SLC25A11: variants seen among roughly 807,000 people sequenced by gnomAD.
SLC25A11 encodes mitochondrial 2-oxoglutarate/malate carrier protein.
A neutral mutation model predicts 32.7 loss-of-function variants in SLC25A11; 11 were observed. The ratio of observed to expected loss-of-function variants is 0.34; its 90% CI spans 0.21 to 0.56. The LOEUF (loss-of-function observed/expected upper bound fraction) is 0.56. SLC25A11 is among the 20% of genes least tolerant of loss of function. The pLI, the probability that SLC25A11 is intolerant of heterozygous loss-of-function variation, is 0.90. For synonymous variants in SLC25A11, 163 were observed against 168.3 expected, an observed-to-expected ratio of 0.97 and a Z score of 0.24; for missense variants, 295 against 426.3, an observed-to-expected ratio of 0.69 and a Z score of 2.71.
chr17:4,938,465 C>T lies in SLC25A11; in HGVS notation c.547-36G>A. 1 of 1,613,942 alleles carries T rather than the reference C, an allele frequency of 6.2e-7. No homozygotes were observed. Among genetic ancestry groups the T allele is most frequent in the South Asian group, 1.1e-5 (1 of 91,086 alleles). On this transcript the variant is annotated intron_variant, in intron 4 of 7. Transcript: ENST00000225665. The surrounding 1 kb of genome is among the most constrained non-coding windows in gnomAD (Gnocchi z 7.6). ...GGGAGCGGGGAAGAGTCAGAAACCC[C>T]TAAAACCAGACCTCACAGCCCCCAA...
In SLC25A11 at chr17:4,939,354, A is replaced by ACATGCTTG; in HGVS notation, c.96-143_96-142insCAAGCATG. The ACATGCTTG allele has an allele frequency of 1.1e-6, 1 of 917,396 alleles. No individual in the cohort carries two copies. The highest frequency in any genetic ancestry group is 1.6e-6 in the Non-Finnish European group (1 of 624,414). The allele number at this position is 917,396 out of a possible 1,614,324, so 56.8% of individuals were successfully genotyped here. A position where few individuals can be genotyped will look rare whatever the true frequency, so the allele number is the denominator to read the frequency against. On this transcript the variant is annotated intron_variant, in intron 1 of 7. Coordinates refer to ENST00000225665, the MANE Select transcript of SLC25A11 (RefSeq NM_003562.5). This position sits in a 1 kb window ranked among gnomAD's most constrained non-coding sequence, Gnocchi z 4.1. ...GGATGCTGGTGAGCATGTGTATAAG[A>ACATGCTTG]GTCTATATGTACACCAAGTGCAACG... is the stretch of plus-strand genomic sequence containing the variant.
rs1048941374 is a variant in SLC25A11 at position 4,939,502 on chromosome 17, A to C, written c.96-290T>G. On this transcript the variant is annotated intron_variant, in intron 1 of 7. Transcript: ENST00000225665. This position sits in a 1 kb window ranked among gnomAD's most constrained non-coding sequence, Gnocchi z 4.1. ...CGACACAGGGAGGGGAGGAAGGGGC[A>C]TCCAAGATTTAGGACTCCAGGTAGT... 3.5e-6 allele frequency: 2 copies of C among 575,096 alleles called. No individual in the cohort carries two copies. Among genetic ancestry groups the C allele is most frequent in the Non-Finnish European group, 3.1e-6 (1 of 324,814 alleles). The allele number at this position is 575,096 out of a possible 1,614,324, so 35.6% of individuals were successfully genotyped here. A position where few individuals can be genotyped will look rare whatever the true frequency, so the allele number is the denominator to read the frequency against.
At chr17:4,937,961 C>T in intron 7 of SLC25A11, 62 bp downstream of exon 7, 1 of 1,613,302 alleles carries the variant, frequency 6.2e-7, no homozygotes, top group Non-Finnish European at 8.5e-7. Flanking sequence ...CACCCAGCTG[C>T]CTTCACACCT....
At position 4,937,732 on chromosome 17, in the gene SLC25A11, C is replaced by G. The variant is rs1388315898; in HGVS notation, c.*9G>C. 2.9e-5 allele frequency: 47 copies of G among 1,599,258 alleles called. No individual in the cohort carries two copies. Among genetic ancestry groups the G allele is most frequent in the Non-Finnish European group, 3.9e-5 (46 of 1,172,522 alleles). On this transcript the variant is annotated 3_prime_UTR_variant, in exon 8 of 8. Transcript: ENST00000225665. ...AGGCGCAGCAGGCGAGTGGGAGCCCCCGGCCGCTTCAGCCACTGAGGAAGA... is the reference window on the plus strand; with the variant it reads ...AGGCGCAGCAGGCGAGTGGGAGCCCGCGGCCGCTTCAGCCACTGAGGAAGA...
Position 4,937,876 on chromosome 17 carries a change from G to A in SLC25A11, c.810C>T (p.Val270=), listed in dbSNP as rs775309694. 2 of 1,613,742 alleles carry A rather than the reference G, an allele frequency of 1.2e-6. No homozygotes were observed. The highest frequency in any genetic ancestry group is 1.7e-6 in the Non-Finnish European group (2 of 1,179,786). The change falls in exon 8 of 8, where the codon GTC becomes GTT. Residue 270 remains valine (V), a synonymous_variant. Transcript: ENST00000225665. The stretch of plus-strand genomic sequence containing the variant: ...ACAGGCTGAAGAAGCCCTCGTAGCG[G>A]ACAACTTTGAACAGCACGTCCTAGA... The part of the protein sequence containing the change: ...KNGLDVLFKV[V]RYEGFFSLWK...
rs752770235 is a variant in SLC25A11, at chr17:4,938,058, T to A, written c.754A>T (p.Met252Leu). The A allele has an allele frequency of 1.9e-6, 3 of 1,613,872 alleles. No individual in the cohort carries two copies. Among genetic ancestry groups the A allele is most frequent in the African/African-American group, 2.7e-5 (2 of 74,852 alleles). The change falls in exon 7 of 8, where the codon ATG becomes TTG. Residue 252 changes from methionine (M) to leucine (L), a missense_variant. Met to Leu is a conservative substitution (Grantham distance 15). Around this residue, in one of 3 missense-constraint regions of SLC25A11, gnomAD observed 142 missense variants for 197.8 expected, o/e 0.72. Coordinates refer to ENST00000225665, the MANE Select transcript of SLC25A11 (RefSeq NM_003562.5). This position sits in a 1 kb window ranked among gnomAD's most constrained non-coding sequence, Gnocchi z 7.6. The stretch of plus-strand genomic sequence containing the variant: ...TTGTATTCCGGCTTCCCATCAATCA[T>A]CCGCATGTTCTGGATTCTGCAGGAG... ...IAKTRIQNMR[M>L]IDGKPEYKNG...
In SLC25A11 at chr17:4,938,272, G is replaced by C; in HGVS notation, c.638-19C>G. ...AAGTAGCCTGGGGGAGGTGAGGCGGGGGTGGCAGTCAGCTCAGAGGTGGCT... is the reference window on the plus strand; with the variant it reads ...AAGTAGCCTGGGGGAGGTGAGGCGGCGGTGGCAGTCAGCTCAGAGGTGGCT... On this transcript the variant is annotated intron_variant, in intron 5 of 7. Coordinates refer to ENST00000225665, the MANE Select transcript of SLC25A11 (RefSeq NM_003562.5). The surrounding 1 kb of genome is among the most constrained non-coding windows in gnomAD (Gnocchi z 7.6). 6.2e-7 allele frequency: 1 copy of C among 1,612,660 alleles called. No homozygotes were observed. The highest frequency in any genetic ancestry group is 8.5e-7 in the Non-Finnish European group (1 of 1,179,096).
rs554082939 is a variant in SLC25A11, at chr17:4,937,563, G to A, written c.*178C>T. On this transcript the variant is annotated 3_prime_UTR_variant, in exon 8 of 8. Coordinates refer to ENST00000225665, the MANE Select transcript of SLC25A11 (RefSeq NM_003562.5). ...AATAGCCAAGGACAGAGAAATCACA[G>A]GATCAGGACGAGCAGGGCAAGCTGG... is the stretch of plus-strand genomic sequence containing the variant. 166 of 619,602 alleles carry A rather than the reference G, an allele frequency of 2.7e-4. No individual in the cohort carries two copies. Among genetic ancestry groups the A allele is most frequent in the Middle Eastern group, 9.1e-4 (2 of 2,208 alleles). The allele number at this position is 619,602 out of a possible 1,614,324, so 38.4% of individuals were successfully genotyped here.
chr17:4,937,598 TAG>T lies in SLC25A11; in HGVS notation c.*141_*142del, dbSNP rs1970453220. 1 of 940,886 alleles carries T rather than the reference TAG, an allele frequency of 1.1e-6. No individual in the cohort carries two copies. The highest frequency in any genetic ancestry group is 1.7e-5 in the African/African-American group (1 of 60,600). 58.3% of individuals were successfully genotyped at this position (940,886 alleles called of 1,614,324 possible). A position where few individuals can be genotyped will look rare whatever the true frequency, so the allele number is the denominator to read the frequency against. ...GAGCAGGGCAAGCTGGAGCAGGGGG[TAG>T]AACAGACCAAGTCCTTTACCGCAGA... On this transcript the variant is annotated 3_prime_UTR_variant, in exon 8 of 8. Coordinates refer to ENST00000225665, the MANE Select transcript of SLC25A11 (RefSeq NM_003562.5).
chr17:4,939,606 C>T lies in SLC25A11; in HGVS notation c.95+210G>A. On this transcript the variant is annotated intron_variant, in intron 1 of 7. Transcript: ENST00000225665. The surrounding 1 kb of genome is among the most constrained non-coding windows in gnomAD (Gnocchi z 4.1). ...CAATGCGCTGGGAAACTCAGCTGGC[C>T]CGGCGGGGGTTGTGCAACGACCCTG... The T allele has an allele frequency of 1.7e-6, 1 of 597,728 alleles. No individual in the cohort carries two copies. The highest frequency in any genetic ancestry group is 3.0e-6 in the Non-Finnish European group (1 of 338,626). The allele number at this position is 597,728 out of a possible 1,614,324, so 37.0% of individuals were successfully genotyped here. A position where few individuals can be genotyped will look rare whatever the true frequency, so the allele number is the denominator to read the frequency against.
Position 4,938,411 on chromosome 17 carries a change from C to A in SLC25A11, c.565G>T (p.Ala189Ser), listed in dbSNP as rs765422669. The A allele has an allele frequency of 1.9e-6, 3 of 1,614,116 alleles. No individual in the cohort carries two copies. Among genetic ancestry groups the A allele is most frequent in the Non-Finnish European group, 2.5e-6 (3 of 1,180,030 alleles). ...TLWRGCIPTM[A>S]RAVVVNAAQL... ...GCAGCATTGACGACGACGGCCCGAG[C>A]CATGGTAGGGATGCAGCCCTGGAGG... is the stretch of plus-strand genomic sequence containing the variant. The change falls in exon 5 of 8, where the codon GCT becomes TCT. Residue 189 changes from alanine to serine, a missense_variant. Transcript: ENST00000225665. This position sits in a 1 kb window ranked among gnomAD's most constrained non-coding sequence, Gnocchi z 7.6.
rs142942603 is a variant in SLC25A11, at chr17:4,938,864, C to G, written c.360G>C (p.Leu120=). The G allele has an allele frequency of 6.6e-5, 106 of 1,614,042 alleles. No individual in the cohort carries two copies. Among genetic ancestry groups the G allele is most frequent in the Non-Finnish European group, 8.6e-5 (102 of 1,180,038 alleles). Residue 120 remains leucine, a synonymous_variant, in exon 3 of 8, where the codon CTG becomes CTC. Coordinates refer to ENST00000225665, the MANE Select transcript of SLC25A11 (RefSeq NM_003562.5). The surrounding 1 kb of genome is among the most constrained non-coding windows in gnomAD (Gnocchi z 7.6). ...TGADGTPPGF[L]LKAVIGMTAG... is the part of the protein sequence containing the mutation. ...CGGTCATGCCAATCACAGCCTTCAGCAGAAAGCCAGGGGGAGTACCATCAG... is the reference window on the plus strand; with the variant it reads ...CGGTCATGCCAATCACAGCCTTCAGGAGAAAGCCAGGGGGAGTACCATCAG...
In SLC25A11 at chr17:4,938,903, C is replaced by T. The variant is rs200032638; in HGVS notation, c.321G>A (p.Glu107=). Residue 107 remains glutamate (E), a synonymous_variant, in exon 3 of 8, where the codon GAG becomes GAA. Coordinates refer to ENST00000225665, the MANE Select transcript of SLC25A11 (RefSeq NM_003562.5). This position sits in a 1 kb window ranked among gnomAD's most constrained non-coding sequence, Gnocchi z 7.6. ...TRLGIYTVLF[E]RLTGADGTPP... ...GAGTACCATCAGCCCCAGTCAGGCG[C>T]TCAAACAGCACGGTATAGATGCCAA... is the stretch of plus-strand genomic sequence containing the variant. The T allele has an allele frequency of 6.2e-7, 1 of 1,614,178 alleles. No homozygotes were observed.
chr17:4,937,584 G>T lies in SLC25A11; in HGVS notation c.*157C>A. The stretch of plus-strand genomic sequence containing the variant: ...CACAGGATCAGGACGAGCAGGGCAA[G>T]CTGGAGCAGGGGGTAGAACAGACCA... On this transcript the variant is annotated 3_prime_UTR_variant, in exon 8 of 8. Transcript: ENST00000225665. The T allele has an allele frequency of 2.5e-6, 2 of 792,144 alleles. No homozygotes were observed. The highest frequency in any genetic ancestry group is 3.9e-4 in the Middle Eastern group (1 of 2,594). 49.1% of individuals were successfully genotyped at this position (792,144 alleles called of 1,614,324 possible).
In SLC25A11 at chr17:4,938,956, G is replaced by C; in HGVS notation, c.268C>G (p.Arg90Gly). ...CGGGTAGTGGTGTAGGTGGCCTGAC[G>C]CAGCAGGCCAGCCGACAGCCTGAGG... ...IYTGLSAGLL[R>G]QATYTTTRLG... The change falls in exon 3 of 8, where the codon CGT becomes GGT. Residue 90 changes from arginine to glycine, a missense_variant. Transcript: ENST00000225665. This position sits in a 1 kb window ranked among gnomAD's most constrained non-coding sequence, Gnocchi z 7.6. 1 of 1,614,110 alleles carries C rather than the reference G, an allele frequency of 6.2e-7. No individual in the cohort carries two copies. The highest frequency in any genetic ancestry group is 8.5e-7 in the Non-Finnish European group (1 of 1,180,000).
In SLC25A11 at chr17:4,939,423, G is replaced by GTGCTCCA. The variant is rs1204118146; in HGVS notation, c.96-218_96-212dup. 2 of 611,832 alleles carry GTGCTCCA rather than the reference G, an allele frequency of 3.3e-6. No individual in the cohort carries two copies. Among genetic ancestry groups the GTGCTCCA allele is most frequent in the Non-Finnish European group, 5.7e-6 (2 of 350,914 alleles). The allele number at this position is 611,832 out of a possible 1,614,324, so 37.9% of individuals were successfully genotyped here. A position where few individuals can be genotyped will look rare whatever the true frequency, so the allele number is the denominator to read the frequency against. On this transcript the variant is annotated intron_variant, in intron 1 of 7. Coordinates refer to ENST00000225665, the MANE Select transcript of SLC25A11 (RefSeq NM_003562.5). This position sits in a 1 kb window ranked among gnomAD's most constrained non-coding sequence, Gnocchi z 4.1. ...GTCCAGTAGGGGCCATGCAATGAAA[G>GTGCTCCA]TGCTCCAAGCAGCTTCATGACAGTC...
In SLC25A11 at chr17:4,938,774, A is replaced by G. The variant is rs745999209; in HGVS notation, c.450T>C (p.Asp150=). The G allele has an allele frequency of 6.2e-7, 1 of 1,609,352 alleles. No homozygotes were observed. Among genetic ancestry groups the G allele is most frequent in the South Asian group, 1.1e-5 (1 of 90,706 alleles). Reference sequence around the variant, plus strand: ...GGTTCAGACTTGGAACTCACCGGCCATCGGCAGTCATGCGGATAAGAGCCA... The same window carrying G: ...GGTTCAGACTTGGAACTCACCGGCCGTCGGCAGTCATGCGGATAAGAGCCA... ...AEVALIRMTA[D]GRLPADQRRG... The change falls in exon 3 of 8, where the codon GAT becomes GAC. Residue 150 remains aspartate, a synonymous_variant. Transcript: ENST00000225665. This position sits in a 1 kb window ranked among gnomAD's most constrained non-coding sequence, Gnocchi z 7.6.
chr17:4,939,596 C>T lies in SLC25A11; in HGVS notation c.95+220G>A. On this transcript the variant is annotated intron_variant, in intron 1 of 7. Coordinates refer to ENST00000225665, the MANE Select transcript of SLC25A11 (RefSeq NM_003562.5). The surrounding 1 kb of genome is among the most constrained non-coding windows in gnomAD (Gnocchi z 4.1). The stretch of plus-strand genomic sequence containing the variant: ...CCGAGCTTAGCAATGCGCTGGGAAA[C>T]TCAGCTGGCCCGGCGGGGGTTGTGC... 3.4e-6 allele frequency: 2 copies of T among 592,732 alleles called. No individual in the cohort carries two copies. The highest frequency in any genetic ancestry group is 3.7e-4 in the Middle Eastern group (1 of 2,718). The allele number at this position is 592,732 out of a possible 1,614,324, so 36.7% of individuals were successfully genotyped here.
chr17:4,938,021 A>G lies in SLC25A11; in HGVS notation c.789+2T>C. Reference sequence around the variant, plus strand: ...CCCAGGCCCCCAGAATGGCTTCCTCACCAGCCCGTTCTTGTATTCCGGCTT... The same window carrying G: ...CCCAGGCCCCCAGAATGGCTTCCTCGCCAGCCCGTTCTTGTATTCCGGCTT... On this transcript the variant is annotated splice_donor_variant, in intron 7 of 7. Transcript: ENST00000225665. LOFTEE classifies it high-confidence loss of function. This position sits in a 1 kb window ranked among gnomAD's most constrained non-coding sequence, Gnocchi z 7.6. 1 of 1,613,910 alleles carries G rather than the reference A, an allele frequency of 6.2e-7. No homozygotes were observed. The highest frequency in any genetic ancestry group is 8.5e-7 in the Non-Finnish European group (1 of 1,179,952).
Sources: allele counts gnomAD v4.1 joint callset, GRCh38; gene constraint gnomAD v4.1.1; regional missense constraint gnomAD v4.1.1; non-coding constraint Gnocchi (gnomAD v3.1); transcripts MANE v1.5; gene names NCBI Gene and HGNC (gene_info 2026-07-23, HGNC 2026-07-21).